PATL1: variants seen among roughly 807,000 people sequenced by gnomAD.
The protein encoded by PATL1 is protein PAT1 homolog 1.
Under a neutral mutation model 100.6 loss-of-function variants are expected in PATL1, and 32 were observed. The ratio of observed to expected loss-of-function variants is 0.32; its 90% CI spans 0.24 to 0.43. PATL1 has a LOEUF of 0.43. Among genes scored for constraint, PATL1 ranks in the 20% least tolerant of loss-of-function variants. The pLI, the probability that PATL1 is intolerant of heterozygous loss-of-function variation, is 1.00. For synonymous variants in PATL1, 332 were observed against 330.0 expected (o/e 1.01, Z -0.07); for missense variants, 747 against 949.9 (o/e 0.79, Z 2.81).
At position 59,637,574 on chromosome 11, in the gene PATL1, G is replaced by A. The variant is rs185733905; in HGVS notation, c.*816C>T. The A allele has an allele frequency of 6.5e-6, 1 of 152,738 alleles. No homozygotes were observed. Among genetic ancestry groups the A allele is most frequent in the Non-Finnish European group, 1.5e-5 (1 of 68,040 alleles). The allele number at this position is 152,738 out of a possible 1,614,324, so 9.5% of individuals were successfully genotyped here. On this transcript the variant is annotated 3_prime_UTR_variant, in exon 19 of 19. Coordinates refer to ENST00000300146, the MANE Select transcript of PATL1 (RefSeq NM_152716.3). ...AATGCACTTGAGGGGAAAGGCTCAA[G>A]TACCCTGTAGTTGTAGCAGGAAAAA...
rs1408506452 is a variant in PATL1 at position 59,655,529 on chromosome 11, T to A, written c.1025A>T (p.Asn342Ile). ...HPPGPGPHLQNLRSQAPMFRP... is the reference protein window; with the variant it reads ...HPPGPGPHLQILRSQAPMFRP... Reference sequence around the variant, plus strand: ...TGGCGTTGATTTTGTATACCTTAGGTTTTGCAGGTGGGGTCCTGGGCCAGG... The same window carrying A: ...TGGCGTTGATTTTGTATACCTTAGGATTTGCAGGTGGGGTCCTGGGCCAGG... The change falls in exon 8 of 19, where the codon AAC becomes ATC. Residue 342 changes from asparagine to isoleucine, a missense_variant. Transcript: ENST00000300146. 1 of 1,570,064 alleles carries A rather than the reference T, an allele frequency of 6.4e-7. No individual in the cohort carries two copies. Among genetic ancestry groups the A allele is most frequent in the Admixed American group, 1.9e-5 (1 of 52,830 alleles).
chr11:59,640,171 G>A (rs146206637), intron 16 of PATL1, among the ~76,000 whole-genome samples: 1,852 of 151,490 alleles, frequency 0.012, 19 homozygotes, highest in Non-Finnish European at 0.018. Flanking sequence ...GTGAAACTCC[G>A]TCTCTACTAA....
chr11:59,651,179 C>T (rs1386065777), intron 12 of PATL1, among the ~76,000 whole-genome samples: 1 of 151,942 alleles, frequency 6.6e-6, no homozygotes, highest in African/African-American at 2.4e-5. Flanking sequence ...TGTACAAATT[C>T]TTTCATCACC....
At chr11:59,647,515 T>C (rs557853233) in intron 15 of PATL1, among the ~76,000 whole-genome samples, 3 of 152,342 alleles carry the variant, frequency 2.0e-5, no homozygotes, top group South Asian at 4.1e-4. Flanking sequence ...TTTACAACTA[T>C]GTCAAGTAAG....
At chr11:59,655,778 G>A in intron 7 of PATL1, 38 bp from the exon 8 acceptor site, 1 of 1,521,390 alleles carries the variant, frequency 6.6e-7, no homozygotes, top group Non-Finnish European at 8.9e-7. Flanking sequence ...TAGACAATCA[G>A]CAAGTCCCCT....
In PATL1 at chr11:59,656,526, C is replaced by A. The variant is rs755996453; in HGVS notation, c.696G>T (p.Met232Ile). ...GGACACTGCAGAGCTGGTTTGGAGA[C>A]ATCCTCTCACCATAGGGAGCAGGAT... ...PRYPAPYGER[M>I]SPNQLCSVPN... Residue 232 changes from methionine to isoleucine, a missense_variant, in exon 6 of 19, where the codon ATG becomes ATT. This residue lies in a region of PATL1 where 127 missense variants were observed against 116.0 expected (regional missense o/e 1.09). Coordinates refer to ENST00000300146, the MANE Select transcript of PATL1 (RefSeq NM_152716.3). 13 of 1,613,950 alleles carry A rather than the reference C, an allele frequency of 8.1e-6. No homozygotes were observed. The East Asian group carries it at 2.9e-4, about 36-fold the overall frequency.
intron 18 of PATL1, 97 bp downstream of exon 18, chr11:59,638,950 TG>T: frequency 7.4e-7 from 1 of 1,359,986 alleles, no homozygotes; most frequent in Non-Finnish European, 1.0e-6. Context: ...CCTAAAATGC[TG>T]GGATTACAGG....
At chr11:59,653,097 G>GTTTTTTTTTT in intron 9 of PATL1, 79 bp from the exon 10 acceptor site, 1 of 894,366 alleles carries the variant, frequency 1.1e-6, no homozygotes, top group Admixed American at 3.0e-5. Flanking sequence ...AACCAGGCCA[G>GTTTTTTTTTT]TTTTTTTTTT....
chr11:59,668,889 G>A lies in PATL1; in HGVS notation c.7C>T (p.Arg3Cys). The A allele has an allele frequency of 8.3e-7, 1 of 1,201,488 alleles. No homozygotes were observed. 74.4% of individuals were successfully genotyped at this position (1,201,488 alleles called of 1,614,324 possible). MF[R>C]YESLEDCPLD... The stretch of plus-strand genomic sequence containing the variant: ...CGGTCGCAACAGCTCACCTCGTAGC[G>A]GAACATTCTTGGGGAGGGGGGCAGG... The change falls in exon 1 of 19, where the codon CGC becomes TGC. Residue 3 changes from arginine to cysteine, a missense_variant. Physicochemically the swap from Arg to Cys is radical, Grantham distance 180. This residue lies in a region of PATL1 where 183 missense variants were observed against 221.2 expected (regional missense o/e 0.83). Transcript: ENST00000300146.
chr11:59,659,046 C>T lies in PATL1; in HGVS notation c.346-100G>A, dbSNP rs1861589852. 1.5e-5 allele frequency: 17 copies of T among 1,139,570 alleles called. No homozygotes were observed. In the South Asian group the frequency reaches 2.2e-4, roughly 15 times the overall value. 70.6% of individuals were successfully genotyped at this position (1,139,570 alleles called of 1,614,324 possible). The stretch of plus-strand genomic sequence containing the variant: ...AAGGTTCCAAAAGAGCCTCAAGCTG[C>T]TTTAGAATACGAAATTATAGGGCTC... On this transcript the variant is annotated intron_variant, in intron 3 of 18. Transcript: ENST00000300146.
rs1466665184 is a variant in PATL1, at chr11:59,657,584, A to G, written c.567T>C (p.Ala189=). The G allele has an allele frequency of 3.1e-6, 5 of 1,612,334 alleles. No individual in the cohort carries two copies. Among genetic ancestry groups the G allele is most frequent in the Non-Finnish European group, 4.2e-6 (5 of 1,179,812 alleles). The part of the protein sequence containing the change: ...SPIIGSPPVR[A]VPIGTPPKQM... ...GTTTAGGTGGGGTGCCTATGGGGACAGCTCTAACAGGAGGACTGCCAATGA... is the reference window on the plus strand; with the variant it reads ...GTTTAGGTGGGGTGCCTATGGGGACGGCTCTAACAGGAGGACTGCCAATGA... Residue 189 remains alanine, a synonymous_variant, in exon 5 of 19, where the codon GCT becomes GCC. Coordinates refer to ENST00000300146, the MANE Select transcript of PATL1 (RefSeq NM_152716.3).
chr11:59,649,369 G>A lies in PATL1; in HGVS notation c.1733+93C>T. On this transcript the variant is annotated intron_variant, in intron 14 of 18. Transcript: ENST00000300146. ...GATTCTGAGCTTACAGAGATGGTAGGGAAGTGTACCTAAAAGGCAAAAATG... is the reference window on the plus strand; with the variant it reads ...GATTCTGAGCTTACAGAGATGGTAGAGAAGTGTACCTAAAAGGCAAAAATG... 3.1e-6 allele frequency: 4 copies of A among 1,296,844 alleles called. No homozygotes were observed. In the South Asian group the frequency reaches 4.3e-5, roughly 14 times the overall value. 80.3% of individuals were successfully genotyped at this position (1,296,844 alleles called of 1,614,324 possible).
chr11:59,657,208 G>C, intron 5 of PATL1: 3 of 862,388 alleles, frequency 3.5e-6, no homozygotes, highest in Non-Finnish European at 4.2e-6. Flanking sequence ...AATGCTGTGT[G>C]TTCCCACTCC....
At chr11:59,668,272 T>C (rs1446932176) in intron 1 of PATL1, among the ~76,000 whole-genome samples, 2 of 152,208 alleles carry the variant, frequency 1.3e-5, no homozygotes, top group Non-Finnish European at 2.9e-5. Context: ...CTGCTATTGC[T>C]ACATTCCCGG....
chr11:59,652,978 G>A lies in PATL1; in HGVS notation c.1162C>T (p.His388Tyr), dbSNP rs1861468209. 6.2e-7 allele frequency: 1 copy of A among 1,613,732 alleles called. No homozygotes were observed. Among genetic ancestry groups the A allele is most frequent in the African/African-American group, 1.3e-5 (1 of 74,888 alleles). The change falls in exon 10 of 19, where the codon CAC (histidine) becomes TAC (tyrosine). Residue 388 changes from histidine to tyrosine, a missense_variant. By Grantham distance (83) the His-to-Tyr change is moderately conservative (BLOSUM62 2). Around this residue, in one of 4 missense-constraint regions of PATL1, gnomAD observed 434 missense variants for 596.1 expected, o/e 0.73. Coordinates refer to ENST00000300146, the MANE Select transcript of PATL1 (RefSeq NM_152716.3). The stretch of plus-strand genomic sequence containing the variant: ...AGATGATCTTGATGACTGCTCCGGT[G>A]ACTTCCTCTATCTCCCGCACCATTG... ...NLNGAGDRGS[H>Y]RSSHQDHLRK...
chr11:59,660,962 G>A (rs954015513), intron 2 of PATL1, among the ~76,000 whole-genome samples: 18 of 152,236 alleles, frequency 1.2e-4, no homozygotes, highest in African/African-American at 4.1e-4. Context: ...ACAATCTTCA[G>A]AACCCTCTAT....
intron 15 of PATL1, among the ~76,000 whole-genome samples, chr11:59,644,148 T>A (rs1271070516): frequency 6.6e-6 from 1 of 152,178 alleles, no homozygotes; most frequent in South Asian, 2.1e-4. Context: ...AACAGCATAA[T>A]GACATTCATG....
At position 59,639,377 on chromosome 11, in the gene PATL1, G is replaced by C; in HGVS notation, c.2056C>G (p.Leu686Val). 3 of 1,549,786 alleles carry C rather than the reference G, an allele frequency of 1.9e-6. No individual in the cohort carries two copies. Among genetic ancestry groups the C allele is most frequent in the Non-Finnish European group, 2.6e-6 (3 of 1,146,866 alleles). Reference sequence around the variant, plus strand: ...CTCAGGAGGATGAGGAGCAGTGACAGGCCAAACTACGAGAAAAGACAGAGG... The same window carrying C: ...CTCAGGAGGATGAGGAGCAGTGACACGCCAAACTACGAGAAAAGACAGAGG... ...LTAVLQNKFG[L>V]SLLLILLSRG... Residue 686 changes from leucine to valine, a missense_variant, in exon 17 of 19, where the codon CTG becomes GTG. Transcript: ENST00000300146.
At chr11:59,653,890 T>TA (rs34707746) in intron 9 of PATL1, 93 bp downstream of exon 9, 219 of 1,137,564 alleles carry the variant, frequency 1.9e-4, no homozygotes, top group Non-Finnish European at 2.3e-4. Context: ...GTAAACTTAC[T>TA]AAAAAAAACA....
Sources: allele counts gnomAD v4.1 joint callset (sites outside exome capture counted in the v4.1 genomes callset), GRCh38; gene constraint gnomAD v4.1.1; regional missense constraint gnomAD v4.1.1; transcripts MANE v1.5; gene names NCBI Gene and HGNC (gene_info 2026-07-23, HGNC 2026-07-21).